ODR4: variants seen among roughly 807,000 people sequenced by gnomAD.
ODR4 encodes the protein protein odr-4 homolog.
Under a neutral mutation model 60.2 loss-of-function variants are expected in ODR4, and 47 were observed. That is an observed-to-expected ratio of 0.78 (90% confidence interval 0.62 to 1.00). The LOEUF (loss-of-function observed/expected upper bound fraction) is 1.00. Ranked by LOEUF, ODR4 falls within the 50% of genes least tolerant of loss-of-function variation. ODR4 has a pLI of 0.00. For missense variants in ODR4, 488 were observed against 530.8 expected, an observed-to-expected ratio of 0.92 and a Z score of 0.79; for synonymous variants, 178 against 175.5, an observed-to-expected ratio of 1.01 and a Z score of -0.11.
In ODR4 at chr1:186,398,352, A is replaced by G. The variant is rs1427940234; in HGVS notation, c.820A>G (p.Ile274Val). Residue 274 changes from isoleucine to valine, a missense_variant, in exon 10 of 14, where the codon ATA becomes GTA. Ile to Val is a conservative substitution (Grantham distance 29). Transcript: ENST00000287859. ...SDHRSTATVQ[I>V]CSGSVNLKGA... The stretch of plus-strand genomic sequence containing the variant: ...CCACAGATCCACAGCCACAGTCCAG[A>G]TATGTAGCGGTTCTGTAAACCTTAA... 12 of 1,610,796 alleles carry G rather than the reference A, an allele frequency of 7.4e-6. No individual in the cohort carries two copies. Among genetic ancestry groups the G allele is most frequent in the Non-Finnish European group, 1.0e-5 (12 of 1,178,166 alleles).
chr1:186,402,187 A>ATTCTTTCTTTCTTTCTTTCC (rs1660991150), intron 11 of ODR4, among the ~76,000 whole-genome samples: 2 of 135,424 alleles, frequency 1.5e-5, no homozygotes, highest in African/African-American at 5.7e-5. Flanking sequence ...TAGGCATCCT[A>ATTCTTTCTTTCTTTCTTTCC]TTCTTTCTTT....
At chr1:186,401,033 G>A in intron 11 of ODR4, 1 of 1,587,356 alleles carries the variant, frequency 6.3e-7, no homozygotes, top group Non-Finnish European at 8.6e-7. Flanking sequence ...GCAGGTTTCA[G>A]GATTTGCAGG....
At chr1:186,426,981 A>T in the ODR4 span, among the ~76,000 whole-genome samples, 68 of 151,938 alleles carry the variant, frequency 4.5e-4, 1 homozygote, top group African/African-American at 1.6e-3. Context: ...TGCTAAAAAT[A>T]AAAGTGGCAA....
In ODR4 at chr1:186,383,075, G is replaced by A; in HGVS notation, c.153G>A (p.Glu51=). 6.4e-7 allele frequency: 1 copy of A among 1,574,534 alleles called. No individual in the cohort carries two copies. The highest frequency in any genetic ancestry group is 1.2e-5 in the South Asian group (1 of 85,522). The change falls in exon 3 of 14, where the codon GAG becomes GAA. Residue 51 remains glutamate (E), a synonymous_variant. Coordinates refer to ENST00000287859, the MANE Select transcript of ODR4 (RefSeq NM_017847.6). ...VILATRTPPK[E]EQSENLKHPK... is the part of the protein sequence containing the mutation. Reference sequence around the variant, plus strand: ...TTGCCACTAGAACGCCACCCAAAGAGGAGCAAAGTGAGAACCTCAAACATC... The same window carrying A: ...TTGCCACTAGAACGCCACCCAAAGAAGAGCAAAGTGAGAACCTCAAACATC...
At chr1:186,412,351 G>C (rs978612001) in intron 12 of ODR4, among the ~76,000 whole-genome samples, 12 of 152,042 alleles carry the variant, frequency 7.9e-5, no homozygotes, top group African/African-American at 2.9e-4. Context: ...AGGGATTCAG[G>C]GAAAGCTTAG....
At chr1:186,415,232 ACTTTT>A (rs1399401551) in intron 12 of ODR4, among the ~76,000 whole-genome samples, 1 of 152,022 alleles carries the variant, frequency 6.6e-6, no homozygotes, top group East Asian at 1.9e-4. Flanking sequence ...AAAATCATAA[ACTTTT>A]CTTTGTGAGA....
chr1:186,396,754 T>TAGATA (rs1383845483), intron 9 of ODR4, among the ~76,000 whole-genome samples: 3 of 152,016 alleles, frequency 2.0e-5, no homozygotes, highest in African/African-American at 7.2e-5. Context: ...GATAGATAGA[T>TAGATA]AGATATATGT....
chr1:186,377,719 T>G (rs1659841569), intron 1 of ODR4, among the ~76,000 whole-genome samples: 2 of 152,126 alleles, frequency 1.3e-5, no homozygotes, highest in Non-Finnish European at 2.9e-5. Flanking sequence ...AAAAATGATA[T>G]GCAAATCTGA....
Position 186,379,761 on chromosome 1 carries a change from A to G in ODR4, c.-19-6A>G, listed in dbSNP as rs1659954354. 2.9e-6 allele frequency: 4 copies of G among 1,400,502 alleles called. No homozygotes were observed. Among genetic ancestry groups the G allele is most frequent in the Non-Finnish European group, 4.0e-6 (4 of 1,010,392 alleles). The allele number at this position is 1,400,502 out of a possible 1,614,324, so 86.8% of individuals were successfully genotyped here. A position where few individuals can be genotyped will look rare whatever the true frequency, so the allele number is the denominator to read the frequency against. ...AAATGCTGTATCTTTTCTTCTTGTGATATAGGAGATTTTAGTTCCTAAAAA... is the reference window on the plus strand; with the variant it reads ...AAATGCTGTATCTTTTCTTCTTGTGGTATAGGAGATTTTAGTTCCTAAAAA... On this transcript the variant is annotated splice_region_variant and splice_polypyrimidine_tract_variant and intron_variant, in intron 1 of 13. Transcript: ENST00000287859.
At chr1:186,432,921 G>A in the ODR4 span, among the ~76,000 whole-genome samples, 23 of 151,852 alleles carry the variant, frequency 1.5e-4, no homozygotes, top group African/African-American at 5.3e-4. Context: ...GAGTAGCTGG[G>A]ACTACAGGCG....
intron 11 of ODR4, among the ~76,000 whole-genome samples, chr1:186,405,203 T>C (rs976010987): frequency 6.6e-6 from 1 of 152,068 alleles, no homozygotes; most frequent in African/African-American, 2.4e-5. Flanking sequence ...GGTAGTGAGA[T>C]AGGTACACAA....
chr1:186,417,786 G>A, intron 13 of ODR4, 132 bp downstream of exon 13: 3 of 597,992 alleles, frequency 5.0e-6, no homozygotes, highest in South Asian at 2.1e-5. Flanking sequence ...TGGGTATTAT[G>A]GAAAGTACCA....
intron 12 of ODR4, among the ~76,000 whole-genome samples, chr1:186,411,157 A>G (rs1021148695): frequency 6.6e-6 from 1 of 152,208 alleles, no homozygotes; most frequent in Non-Finnish European, 1.5e-5. Flanking sequence ...CTCAAAGGAA[A>G]TGTTCATTAG....
intron 2 of ODR4, among the ~76,000 whole-genome samples, chr1:186,382,503 G>T (rs916237961): frequency 1.3e-5 from 2 of 151,970 alleles, no homozygotes; most frequent in Non-Finnish European, 2.9e-5. Context: ...CATAGAATCT[G>T]TATCACTTTA....
intron 13 of ODR4, among the ~76,000 whole-genome samples, chr1:186,418,726 TTA>T (rs1303050761): frequency 1.3e-5 from 2 of 152,196 alleles, no homozygotes; most frequent in African/African-American, 4.8e-5. Context: ...TATAAGCCCT[TTA>T]AAGTGTTTGT....
intron 3 of ODR4, among the ~76,000 whole-genome samples, chr1:186,384,665 T>G (rs907819174): frequency 1.3e-5 from 2 of 151,452 alleles, no homozygotes; most frequent in Non-Finnish European, 2.9e-5. Flanking sequence ...AAAGAAAAGG[T>G]TAATTTTACT....
chr1:186,393,074 T>G (rs1399618987), intron 8 of ODR4, among the ~76,000 whole-genome samples: 2 of 152,072 alleles, frequency 1.3e-5, no homozygotes, highest in Admixed American at 1.3e-4. Flanking sequence ...ATGTTCTGAC[T>G]TATAAGTGGG....
chr1:186,417,781 A>G, intron 13 of ODR4, 127 bp downstream of exon 13: 1 of 608,092 alleles, frequency 1.6e-6, no homozygotes, highest in Non-Finnish European at 2.9e-6. Context: ...TTTATTGGGT[A>G]TTATGGAAAG....
intron 2 of ODR4, 74 bp downstream of exon 2, chr1:186,379,958 T>A: frequency 1.1e-6 from 1 of 896,702 alleles, no homozygotes; most frequent in Non-Finnish European, 1.6e-6. Flanking sequence ...CTTGTTGATT[T>A]AAAGTTAAAA....
Sources: gnomAD v4.1 joint callset for allele counts (sites outside exome capture counted in the v4.1 genomes callset) on GRCh38, gnomAD v4.1.1 for gene constraint, MANE v1.5 for transcripts, NCBI Gene and HGNC (gene_info 2026-07-23, HGNC 2026-07-21) for gene names.